Variants in BCAS3 observed in about 807,000 individuals in gnomAD.
BCAS3 encodes the protein BCAS3 microtubule associated cell migration factor, also known as BCAS4/BCAS3 fusion.
Under a neutral mutation model 116.1 loss-of-function variants are expected in BCAS3, and 53 were observed. The ratio of observed to expected loss-of-function variants is 0.46; its 90% confidence interval spans 0.37 to 0.57. The LOEUF (loss-of-function observed/expected upper bound fraction) is 0.57, where lower values mean the gene tolerates loss of function less well. Among genes scored for constraint, BCAS3 ranks in the 20% least tolerant of loss-of-function variants. BCAS3 has a pLI of 0.00. For missense variants in BCAS3, 917 were observed against 1,165.4 expected (o/e 0.79, Z 3.10); for synonymous variants, 391 against 408.2 (o/e 0.96, Z 0.51).
At chr17:61,342,061 G>GGT (rs1175105264) in intron 22 of BCAS3, among the ~76,000 whole-genome samples, 2 of 152,148 alleles carry the variant, frequency 1.3e-5, no homozygotes, top group Non-Finnish European at 2.9e-5. Flanking sequence ...GGAGTACAGT[G>GGT]GTGTGATCTC....
At chr17:60,992,299 C>CA (rs1363224021) in intron 15 of BCAS3, among the ~76,000 whole-genome samples, 1 of 151,378 alleles carries the variant, frequency 6.6e-6, no homozygotes, top group Non-Finnish European at 1.5e-5. Flanking sequence ...TTTTGTAACT[C>CA]AAAAAAATGG....
chr17:60,723,317 C>T (rs945413932), intron 5 of BCAS3, among the ~76,000 whole-genome samples: 2 of 152,088 alleles, frequency 1.3e-5, no homozygotes, highest in Non-Finnish European at 2.9e-5. Context: ...CTCTGCCTCC[C>T]GAGTTCAAGC....
rs1416920319 is a variant in BCAS3, at chr17:61,238,201, C to T, written c.2426-130126C>T. 6.1e-5 allele frequency among the ~76,000 whole-genome samples: 9 copies of T among 148,048 alleles called. No homozygotes were observed. In the South Asian group the frequency reaches 8.7e-4, roughly 14 times the overall value. On this transcript the variant is annotated intron_variant, in intron 22 of 23. Coordinates refer to ENST00000407086, the MANE Select transcript of BCAS3 (RefSeq NM_017679.5). Reference sequence around the variant, plus strand: ...CTGAGTAGCTGGGATTACAGGCACCCGCCACCACACCTGGCAGTTTTTCGG... The same window carrying T: ...CTGAGTAGCTGGGATTACAGGCACCTGCCACCACACCTGGCAGTTTTTCGG...
intron 14 of BCAS3, among the ~76,000 whole-genome samples, chr17:60,972,732 A>AT (rs1357217973): frequency 6.6e-6 from 1 of 152,176 alleles, no homozygotes; most frequent in African/African-American, 2.4e-5. Flanking sequence ...GATTGCAGGC[A>AT]TGGGTCACTG....
rs1025529029 is a variant in BCAS3, at chr17:61,106,831, A to G, written c.2425+22267A>G. On this transcript the variant is annotated intron_variant, in intron 22 of 23. Coordinates refer to ENST00000407086, the MANE Select transcript of BCAS3 (RefSeq NM_017679.5). The surrounding 1 kb of genome is among the most constrained non-coding windows in gnomAD (Gnocchi z 4.2). Reference sequence around the variant, plus strand: ...TTGAGATCGTTTAGAATTTTTTACCATACTAATTTAGAATAAATAAATTCC... The same window carrying G: ...TTGAGATCGTTTAGAATTTTTTACCGTACTAATTTAGAATAAATAAATTCC... Among the ~76,000 whole-genome samples, 3 of 152,154 alleles carry G rather than the reference A, an allele frequency of 2.0e-5. No individual in the cohort carries two copies. Among genetic ancestry groups the G allele is most frequent in the Admixed American group, 6.5e-5 (1 of 15,278 alleles).
In BCAS3 at chr17:61,241,537, C is replaced by T. The variant is rs1366150798; in HGVS notation, c.2426-126790C>T. On this transcript the variant is annotated intron_variant, in intron 22 of 23. Transcript: ENST00000407086. This position sits in a 1 kb window ranked among gnomAD's most constrained non-coding sequence, Gnocchi z 4.6. ...CCATCCTCGCTAACACGGTGAAACCCCACCTCTACTAAAAAAAAATTACAA... is the reference window on the plus strand; with the variant it reads ...CCATCCTCGCTAACACGGTGAAACCTCACCTCTACTAAAAAAAAATTACAA... Among the ~76,000 whole-genome samples, 2 of 151,746 alleles carry T rather than the reference C, an allele frequency of 1.3e-5. No individual in the cohort carries two copies. Among genetic ancestry groups the T allele is most frequent in the African/African-American group, 4.8e-5 (2 of 41,314 alleles).
intron 22 of BCAS3, among the ~76,000 whole-genome samples, chr17:61,187,878 C>T (rs540728502): frequency 6.6e-6 from 1 of 151,962 alleles, no homozygotes; most frequent in African/African-American, 2.4e-5. Context: ...GTATAACATG[C>T]CAAATTAATC....
chr17:60,826,005 C>T (rs1019815449), intron 7 of BCAS3, among the ~76,000 whole-genome samples: 12 of 151,146 alleles, frequency 7.9e-5, no homozygotes, highest in African/African-American at 2.7e-4. Flanking sequence ...TTACAGGAGC[C>T]CGCCACCATG....
At chr17:61,385,722 A>G (rs1379363366) in intron 23 of BCAS3, among the ~76,000 whole-genome samples, 1 of 152,252 alleles carries the variant, frequency 6.6e-6, no homozygotes, top group Non-Finnish European at 1.5e-5. Context: ...AAGGGTCTTA[A>G]CCACAGTCCC....
rs2076247488 is a variant in BCAS3 at position 61,130,016 on chromosome 17, G to C, written c.2425+45452G>C. On this transcript the variant is annotated intron_variant, in intron 22 of 23. Coordinates refer to ENST00000407086, the MANE Select transcript of BCAS3 (RefSeq NM_017679.5). The surrounding 1 kb of genome is among the most constrained non-coding windows in gnomAD (Gnocchi z 5.0). ...GTTTTGTAGCTTTTTGTTTATAAAG[G>C]CAATGTTGTATTCCACAGCATCATT... 1.3e-5 allele frequency among the ~76,000 whole-genome samples: 2 copies of C among 152,080 alleles called. No homozygotes were observed. The highest frequency in any genetic ancestry group is 1.3e-4 in the Admixed American group (2 of 15,270).
At chr17:60,693,154 G>T (rs922996993) in intron 4 of BCAS3, among the ~76,000 whole-genome samples, 2 of 151,892 alleles carry the variant, frequency 1.3e-5, no homozygotes, top group African/African-American at 4.9e-5. Flanking sequence ...GGGATTACAG[G>T]CATGAGCCAC....
intron 15 of BCAS3, among the ~76,000 whole-genome samples, chr17:60,996,084 T>C (rs1267596902): frequency 6.6e-6 from 1 of 152,040 alleles, no homozygotes; most frequent in African/African-American, 2.4e-5. Flanking sequence ...GTAAGGTGTA[T>C]AATAGGTGAT....
chr17:60,760,970 T>G (rs538936808), intron 6 of BCAS3, among the ~76,000 whole-genome samples: 16 of 152,176 alleles, frequency 1.1e-4, no homozygotes, highest in Admixed American at 8.5e-4. Flanking sequence ...AGTTCTGAGA[T>G]TCTTCCTTCT....
chr17:61,015,892 A>C lies in BCAS3; in HGVS notation c.1628A>C (p.Lys543Thr). The part of the protein sequence containing the change: ...KQPMTLGTIT[K>T]RTGKVKPPPQ... ...CCAATGACATTGGGGACCATCACCAAACGAACCGGGTAAGGCCTTAGACTT... is the reference window on the plus strand; with the variant it reads ...CCAATGACATTGGGGACCATCACCACACGAACCGGGTAAGGCCTTAGACTT... Residue 543 changes from lysine (K) to threonine (T), a missense_variant, in exon 16 of 24, where the codon AAA becomes ACA. Transcript: ENST00000407086. 1 of 1,614,048 alleles carries C rather than the reference A, an allele frequency of 6.2e-7. No homozygotes were observed. The highest frequency in any genetic ancestry group is 8.5e-7 in the Non-Finnish European group (1 of 1,179,938).
chr17:60,760,631 C>T (rs968629677), intron 6 of BCAS3, among the ~76,000 whole-genome samples: 2 of 151,612 alleles, frequency 1.3e-5, no homozygotes, highest in Non-Finnish European at 2.9e-5. Context: ...TCACTTGCTA[C>T]ACCTTAATAT....
chr17:61,229,558 C>A lies in BCAS3; in HGVS notation c.2426-138769C>A, dbSNP rs2082550749. 6.6e-6 allele frequency among the ~76,000 whole-genome samples: 1 copy of A among 152,212 alleles called. No individual in the cohort carries two copies. Among genetic ancestry groups the A allele is most frequent in the Non-Finnish European group, 1.5e-5 (1 of 68,038 alleles). ...TTCAATTGAAGGACAGGCTGATACA[C>A]AATGGCAATTAAATGTCAACATTCA... On this transcript the variant is annotated intron_variant, in intron 22 of 23. Transcript: ENST00000407086. This position sits in a 1 kb window ranked among gnomAD's most constrained non-coding sequence, Gnocchi z 4.4.
chr17:61,143,333 A>G (rs2077022391), intron 22 of BCAS3, among the ~76,000 whole-genome samples: 2 of 152,198 alleles, frequency 1.3e-5, no homozygotes, highest in African/African-American at 4.8e-5. Flanking sequence ...ATACTTTAAT[A>G]TCAATTTATA....
intron 10 of BCAS3, among the ~76,000 whole-genome samples, chr17:60,893,416 T>C (rs1009754012): frequency 2.6e-5 from 4 of 152,042 alleles, no homozygotes; most frequent in Non-Finnish European, 5.9e-5. Flanking sequence ...TTTTTGTATA[T>C]GGTGAGAGAT....
At chr17:61,328,232 A>T (rs2055897701) in intron 22 of BCAS3, among the ~76,000 whole-genome samples, 1 of 152,200 alleles carries the variant, frequency 6.6e-6, no homozygotes, top group Admixed American at 6.5e-5. Flanking sequence ...ATATGATCCT[A>T]TAGAGAAAGA....
Sources: allele counts gnomAD v4.1 joint callset (sites outside exome capture counted in the v4.1 genomes callset), GRCh38; gene constraint gnomAD v4.1.1; non-coding constraint Gnocchi (gnomAD v3.1); transcripts MANE v1.5; gene names NCBI Gene and HGNC (gene_info 2026-07-23, HGNC 2026-07-21).